NFIC: variants seen among roughly 807,000 people sequenced by gnomAD.
NFIC encodes nuclear factor I C, also known as nuclear factor 1 C-type.
Under a neutral mutation model 54.4 loss-of-function variants are expected in NFIC, and 12 were observed. The observed-to-expected ratio is 0.22, with a 90% CI of 0.14 to 0.36. The LOEUF is 0.36. Ranked by LOEUF, NFIC falls within the 10% of genes least tolerant of loss-of-function variation. The pLI is 1.00. For missense variants in NFIC, 575 were observed against 718.2 expected (o/e 0.80, Z 2.28); for synonymous variants, 322 against 319.2 (o/e 1.01, Z -0.09).
chr19:3,403,989 C>T (rs1031284208), intron 2 of NFIC, among the ~76,000 whole-genome samples: 1 of 152,094 alleles, frequency 6.6e-6, no homozygotes, highest in Non-Finnish European at 1.5e-5. Flanking sequence ...GCACATGTGG[C>T]TCCCGGGGCT....
At chr19:3,417,005 T>C (rs2081867644) in intron 2 of NFIC, among the ~76,000 whole-genome samples, 1 of 151,464 alleles carries the variant, frequency 6.6e-6, no homozygotes, top group Non-Finnish European at 1.5e-5. Flanking sequence ...TGCCTCAGCC[T>C]CCGGAGCAGC....
chr19:3,406,511 G>A (rs1009046537), intron 2 of NFIC, among the ~76,000 whole-genome samples: 10 of 152,108 alleles, frequency 6.6e-5, no homozygotes, highest in African/African-American at 2.2e-4. Flanking sequence ...TACAGCGTGA[G>A]CCACTGTGTC....
At position 3,381,989 on chromosome 19, in the gene NFIC, G is replaced by C. The variant is rs2081218073; in HGVS notation, c.308G>C (p.Gly103Ala). ...AGCATCACCGGCAAGAAGGCGCCGG[G>C]CTGCGTGCTCTCCAACCCCGACCAG... ...VLSITGKKAP[G>A]CVLSNPDQKG... is the part of the protein sequence containing the mutation. The change falls in exon 2 of 11, where the codon GGC becomes GCC. Residue 103 changes from glycine (G) to alanine (A), a missense_variant. Physicochemically the swap from Gly to Ala is moderately conservative, Grantham distance 60. Around this residue, in one of 3 missense-constraint regions of NFIC, gnomAD observed 122 missense variants for 158.0 expected, o/e 0.77. Transcript: ENST00000443272. 6.2e-7 allele frequency: 1 copy of C among 1,613,470 alleles called. No homozygotes were observed. Among genetic ancestry groups the C allele is most frequent in the Non-Finnish European group, 8.5e-7 (1 of 1,179,926 alleles).
intron 1 of NFIC, among the ~76,000 whole-genome samples, chr19:3,372,798 TCTC>T (rs1213696145): frequency 6.6e-6 from 1 of 150,620 alleles, no homozygotes; most frequent in Non-Finnish European, 1.5e-5. Flanking sequence ...CATGCCTCAG[TCTC>T]CTCCTCGAGG....
At chr19:3,374,012 G>A (rs560375368) in intron 1 of NFIC, among the ~76,000 whole-genome samples, 3 of 152,328 alleles carry the variant, frequency 2.0e-5, no homozygotes, top group South Asian at 2.1e-4. Context: ...CATCCGACCC[G>A]GAGAAGAAGG....
At chr19:3,414,052 C>T (rs1452094016) in intron 2 of NFIC, among the ~76,000 whole-genome samples, 10 of 152,064 alleles carry the variant, frequency 6.6e-5, no homozygotes, top group East Asian at 3.9e-4. Context: ...GTCTGGCATC[C>T]GGGTGGCTCT....
chr19:3,407,136 T>C (rs534876702), intron 2 of NFIC, among the ~76,000 whole-genome samples: 50 of 152,202 alleles, frequency 3.3e-4, no homozygotes, highest in African/African-American at 9.6e-4. Context: ...GTTTTTGAGG[T>C]GGAGTCTCGC....
chr19:3,366,556 C>CGGGGGGGGGGGGGGGGGGGGGGGG, upstream of NFIC: 2 of 490,742 alleles, frequency 4.1e-6, no homozygotes, highest in Non-Finnish European at 5.8e-6. Flanking sequence ...TTGGGGGGGG[C>CGGGGGGGGGGGGGGGGGGGGGGGG]GGGGGGGTGG....
chr19:3,463,227 C>T lies in NFIC; in HGVS notation c.*458C>T. On this transcript the variant is annotated 3_prime_UTR_variant, in exon 11 of 11. Coordinates refer to ENST00000443272, the MANE Select transcript of NFIC (RefSeq NM_001245002.2). Reference sequence around the variant, plus strand: ...GGTGAGCACAGCCTGGAGCCTGTGCCCAGGGCCGACAGGCGCGACACCCAG... The same window carrying T: ...GGTGAGCACAGCCTGGAGCCTGTGCTCAGGGCCGACAGGCGCGACACCCAG... The T allele has an allele frequency of 2.0e-6, 2 of 996,004 alleles. No individual in the cohort carries two copies. Among genetic ancestry groups the T allele is most frequent in the African/African-American group, 1.7e-5 (1 of 57,552 alleles). The allele number at this position is 996,004 out of a possible 1,614,324, so 61.7% of individuals were successfully genotyped here.
At chr19:3,378,233 C>G (rs976083573) in intron 1 of NFIC, among the ~76,000 whole-genome samples, 1 of 150,054 alleles carries the variant, frequency 6.7e-6, no homozygotes, top group South Asian at 2.1e-4. Context: ...TGCACTCCAG[C>G]CTGGGTGACA....
At chr19:3,422,934 C>T (rs1246468271) in intron 2 of NFIC, among the ~76,000 whole-genome samples, 3 of 152,064 alleles carry the variant, frequency 2.0e-5, no homozygotes, top group African/African-American at 7.2e-5. Context: ...TGGTGGCTCA[C>T]GCTTGGCATC....
chr19:3,372,622 C>T (rs763895734), intron 1 of NFIC, among the ~76,000 whole-genome samples: 1 of 150,158 alleles, frequency 6.7e-6, no homozygotes, highest in Admixed American at 6.7e-5. Flanking sequence ...AAGGGAACCA[C>T]GTGGGACTCG....
chr19:3,406,609 G>C (rs752642702), intron 2 of NFIC, among the ~76,000 whole-genome samples: 23 of 152,160 alleles, frequency 1.5e-4, no homozygotes, highest in Non-Finnish European at 3.2e-4. Context: ...ACGTGTGTTG[G>C]ATAAAAGCAT....
chr19:3,419,012 C>T (rs2081911435), intron 2 of NFIC, among the ~76,000 whole-genome samples: 1 of 151,928 alleles, frequency 6.6e-6, no homozygotes, highest in Admixed American at 6.6e-5. Flanking sequence ...TAGGAGGTCC[C>T]TAGAGTCGTC....
At chr19:3,409,732 G>A (rs775253013) in intron 2 of NFIC, among the ~76,000 whole-genome samples, 68 of 152,218 alleles carry the variant, frequency 4.5e-4, no homozygotes, top group East Asian at 1.9e-4. Flanking sequence ...TCACAGCCAC[G>A]GACAGGAGAG....
intron 2 of NFIC, among the ~76,000 whole-genome samples, chr19:3,395,469 A>G (rs2081446839): frequency 1.1e-5 from 1 of 90,276 alleles, no homozygotes; most frequent in African/African-American, 5.6e-5. Flanking sequence ...GGCTGGGATT[A>G]CAGGCGCATA....
intron 2 of NFIC, among the ~76,000 whole-genome samples, chr19:3,396,817 G>T (rs1488744397): frequency 3.3e-5 from 5 of 152,220 alleles, no homozygotes; most frequent in African/African-American, 1.2e-4. Flanking sequence ...TTAGCTGGGT[G>T]TGGTGGCACA....
rs2082179658 is a variant in NFIC, at chr19:3,435,171, AGTAGCAGCC to A, written c.924_932del (p.Ser309_Arg311del). On this transcript the variant is annotated inframe_deletion, in exon 6 of 11. Transcript: ENST00000443272. ...CTACACTTCGCCCAGCTCGCCCACG[AGTAGCAGCC>A]GCAACTGGACGGAGGACATGGAAGG... is the stretch of plus-strand genomic sequence containing the variant. 9 of 1,605,836 alleles carry A rather than the reference AGTAGCAGCC, an allele frequency of 5.6e-6. No homozygotes were observed. The highest frequency in any genetic ancestry group is 7.6e-6 in the Non-Finnish European group (9 of 1,177,040).
In NFIC at chr19:3,381,626, C is replaced by T. The variant is rs557810668; in HGVS notation, c.31-86C>T. 6.0e-6 allele frequency: 9 copies of T among 1,510,086 alleles called. No homozygotes were observed. The African/African-American group carries it at 7.0e-5, about 12-fold the overall frequency. 93.5% of individuals were successfully genotyped at this position (1,510,086 alleles called of 1,614,324 possible). On this transcript the variant is annotated intron_variant, in intron 1 of 10. Coordinates refer to ENST00000443272, the MANE Select transcript of NFIC (RefSeq NM_001245002.2). ...CCACTCTGCGGGTCTGTTCAGGGCC[C>T]CTCCGACCTCAGCCTTCGGGGCCGG... is the stretch of plus-strand genomic sequence containing the variant.
Sources: allele counts gnomAD v4.1 joint callset (sites outside exome capture counted in the v4.1 genomes callset), GRCh38; gene constraint gnomAD v4.1.1; regional missense constraint gnomAD v4.1.1; transcripts MANE v1.5; gene names NCBI Gene and HGNC (gene_info 2026-07-23, HGNC 2026-07-21).